PARD3B: variants seen among roughly 807,000 people sequenced by gnomAD.
The protein encoded by PARD3B is par-3 family cell polarity regulator beta.
A neutral mutation model predicts 130.2 loss-of-function variants in PARD3B; 103 were observed. The ratio of observed to expected loss-of-function variants is 0.79; its 90% CI spans 0.67 to 0.93. The LOEUF is 0.93. PARD3B is among the 40% of genes least tolerant of loss of function. PARD3B has a pLI of 0.00. For synonymous variants in PARD3B, 583 were observed against 553.2 expected (o/e 1.05, Z -0.76); for missense variants, 1,609 against 1,499.2 (o/e 1.07, Z -1.21).
chr2:204,950,581 G>A (rs902239858), intron 2 of PARD3B, among the ~76,000 whole-genome samples: 2 of 152,126 alleles, frequency 1.3e-5, no homozygotes, highest in Admixed American at 6.5e-5. Context: ...CATTTGTGGG[G>A]GCCTTGGGAG....
chr2:205,392,000 CTCTT>C (rs941419172), intron 18 of PARD3B, among the ~76,000 whole-genome samples: 2 of 151,894 alleles, frequency 1.3e-5, no homozygotes, highest in African/African-American at 4.8e-5. Context: ...CAGAGGCTCT[CTCTT>C]TTGTTTGTTT....
At position 205,011,147 on chromosome 2, in the gene PARD3B, C is replaced by T. The variant is rs774304936; in HGVS notation, c.395-36434C>T. On this transcript the variant is annotated intron_variant, in intron 3 of 22. Coordinates refer to ENST00000406610, the MANE Select transcript of PARD3B (RefSeq NM_001302769.2). This position sits in a 1 kb window ranked among gnomAD's most constrained non-coding sequence, Gnocchi z 4.1. Reference sequence around the variant, plus strand: ...CTGGTAGATGTTGTTATCCACTGGCCGTGTATTGATTATCTGCAGATTATA... The same window carrying T: ...CTGGTAGATGTTGTTATCCACTGGCTGTGTATTGATTATCTGCAGATTATA... Among the ~76,000 whole-genome samples the T allele has an allele frequency of 3.3e-5, 5 of 152,120 alleles. No homozygotes were observed. The highest frequency in any genetic ancestry group is 5.9e-5 in the Non-Finnish European group (4 of 68,030).
In PARD3B at chr2:205,146,298, T is replaced by G. The variant is rs2033352896; in HGVS notation, c.1435-12424T>G. ...GAAGTATCTTCCTAAGGGCCCAGCT[T>G]CCCAAATGGGCTACTTCTCAGGATC... On this transcript the variant is annotated intron_variant, in intron 10 of 22. Coordinates refer to ENST00000406610, the MANE Select transcript of PARD3B (RefSeq NM_001302769.2). The surrounding 1 kb of genome is among the most constrained non-coding windows in gnomAD (Gnocchi z 4.3). Among the ~76,000 whole-genome samples the G allele has an allele frequency of 6.6e-6, 1 of 152,178 alleles. No homozygotes were observed. The highest frequency in any genetic ancestry group is 1.5e-5 in the Non-Finnish European group (1 of 68,024).
chr2:204,612,461 A>G (rs2033963458), intron 1 of PARD3B, among the ~76,000 whole-genome samples: 1 of 152,180 alleles, frequency 6.6e-6, no homozygotes, highest in Admixed American at 6.5e-5. Context: ...TAGAACAAAA[A>G]TTGGATGGGA....
intron 18 of PARD3B, among the ~76,000 whole-genome samples, chr2:205,363,948 T>G (rs1161891561): frequency 2.8e-5 from 4 of 144,644 alleles, no homozygotes; most frequent in African/African-American, 1.1e-4. Context: ...ATTACAGGCA[T>G]GAACCACCGC....
intron 4 of PARD3B, among the ~76,000 whole-genome samples, chr2:205,077,001 G>A (rs1319489270): frequency 1.3e-5 from 2 of 152,108 alleles, no homozygotes; most frequent in Non-Finnish European, 2.9e-5. Context: ...TCCCATAGAA[G>A]ACATTGTGAG....
At chr2:205,172,127 TAAAC>T in intron 11 of PARD3B, 80 bp from the exon 12 acceptor site, 1 of 1,382,772 alleles carries the variant, frequency 7.2e-7, no homozygotes, top group Non-Finnish European at 9.8e-7. Context: ...TTTTCATTTT[TAAAC>T]TTGAACTTTT....
chr2:204,938,693 A>G (rs184642402), intron 2 of PARD3B, among the ~76,000 whole-genome samples: 1 of 152,336 alleles, frequency 6.6e-6, no homozygotes, highest in Admixed American at 6.5e-5. Context: ...ACCCTAGACA[A>G]ATTGAAGCAC....
chr2:205,565,479 A>G (rs953394062), intron 22 of PARD3B, among the ~76,000 whole-genome samples: 1 of 152,208 alleles, frequency 6.6e-6, no homozygotes, highest in Non-Finnish European at 1.5e-5. Flanking sequence ...CCAGTGTTTT[A>G]TAGGAGTGAT....
At chr2:205,238,849 A>AAAAATATATATATATAT (rs1273582854) in intron 15 of PARD3B, among the ~76,000 whole-genome samples, 9 of 76,900 alleles carry the variant, frequency 1.2e-4, no homozygotes, top group Admixed American at 1.9e-4. Flanking sequence ...AAAAAAAAAA[A>AAAAATATATATATATAT]ATATATATAT....
intron 3 of PARD3B, among the ~76,000 whole-genome samples, chr2:205,030,355 T>G (rs570300763): frequency 6.6e-6 from 1 of 152,278 alleles, no homozygotes; most frequent in African/African-American, 2.4e-5. Context: ...AATCAAGTTG[T>G]GTAGTGGAGA....
At chr2:205,481,566 G>T (rs1238055424) in intron 20 of PARD3B, among the ~76,000 whole-genome samples, 1 of 152,222 alleles carries the variant, frequency 6.6e-6, no homozygotes, top group Non-Finnish European at 1.5e-5. Context: ...AATGTAAGAT[G>T]CATGGGAGAA....
chr2:205,304,008 C>G (rs1349683650), intron 18 of PARD3B, among the ~76,000 whole-genome samples: 1 of 152,160 alleles, frequency 6.6e-6, no homozygotes, highest in East Asian at 1.9e-4. Flanking sequence ...CTTATGAAAC[C>G]CTTAGGAGAT....
intron 10 of PARD3B, among the ~76,000 whole-genome samples, chr2:205,155,492 A>C (rs919988133): frequency 6.6e-6 from 1 of 152,228 alleles, no homozygotes; most frequent in East Asian, 1.9e-4. Context: ...GAATTTGTTT[A>C]GAATAAACCA....
chr2:204,863,978 G>GTT (rs1178304403), intron 2 of PARD3B, among the ~76,000 whole-genome samples: 1 of 152,144 alleles, frequency 6.6e-6, no homozygotes, highest in Non-Finnish European at 1.5e-5. Flanking sequence ...CCAAAAAAAA[G>GTT]TTTAAGTGTA....
At chr2:205,052,451 A>ATATATATATATATATATAT (rs1491236980) in intron 4 of PARD3B, among the ~76,000 whole-genome samples, 13 of 14,726 alleles carry the variant, frequency 8.8e-4, no homozygotes, top group Non-Finnish European at 9.8e-4. Context: ...ATATATATAT[A>ATATATATATATATATATAT]AAATTAAAAA....
intron 15 of PARD3B, among the ~76,000 whole-genome samples, chr2:205,240,578 T>C (rs1388481605): frequency 6.6e-6 from 1 of 152,214 alleles, no homozygotes; most frequent in African/African-American, 2.4e-5. Context: ...TGATATAGTG[T>C]TGGCATTCTA....
intron 2 of PARD3B, among the ~76,000 whole-genome samples, chr2:204,935,591 A>T (rs1044442690): frequency 2.6e-5 from 4 of 151,536 alleles, no homozygotes; most frequent in Non-Finnish European, 5.9e-5. Flanking sequence ...TAGTACATAT[A>T]TAGTATGTAT....
chr2:205,038,095 T>G (rs1459200635), intron 3 of PARD3B, among the ~76,000 whole-genome samples: 1 of 152,124 alleles, frequency 6.6e-6, no homozygotes, highest in East Asian at 1.9e-4. Flanking sequence ...ATCTAGGACA[T>G]TTTTAGGTGA....
Sources: gnomAD v4.1 joint callset for allele counts (sites outside exome capture counted in the v4.1 genomes callset) on GRCh38, gnomAD v4.1.1 for gene constraint, Gnocchi (gnomAD v3.1) non-coding constraint, MANE v1.5 for transcripts, NCBI Gene and HGNC (gene_info 2026-07-23, HGNC 2026-07-21) for gene names.